The following AXDND1 variants were observed in gnomAD, a reference collection of about 807,000 sequenced individuals.
The protein encoded by AXDND1 is axonemal dynein light chain domain-containing protein 1.
Under a neutral mutation model 137.5 loss-of-function variants are expected in AXDND1, and 110 were observed. The ratio of observed to expected loss-of-function variants is 0.80; its 90% CI spans 0.69 to 0.94. AXDND1 has a LOEUF of 0.94. Ranked by LOEUF, AXDND1 falls within the 40% of genes least tolerant of loss-of-function variation. The probability of loss-of-function intolerance (pLI) is 0.00; values close to 1 mark genes in which losing one functional copy is unlikely to be tolerated. For missense variants in AXDND1, 1,191 were observed against 1,169.8 expected (o/e 1.02, Z -0.26); for synonymous variants, 414 against 399.7 (o/e 1.04, Z -0.43).
At chr1:179,504,702 A>C in intron 20 of AXDND1, among the ~76,000 whole-genome samples, 1 of 151,988 alleles carries the variant, frequency 6.6e-6, no homozygotes, top group East Asian at 1.9e-4. Flanking sequence ...GATGCCCATA[A>C]CCTGACCATC....
intron 16 of AXDND1, chr1:179,450,618 G>A (rs1660425004): frequency 1.3e-5 from 2 of 152,132 alleles, no homozygotes; most frequent in Non-Finnish European, 2.9e-5. Context: ...TCTATCAGTA[G>A]GATATATTAC....
At chr1:179,388,535 G>A (rs12738262) in intron 9 of AXDND1, among the ~76,000 whole-genome samples, 43,144 of 151,822 alleles carry the variant, frequency 0.28, 6,329 homozygotes, top group Non-Finnish European at 0.31. Context: ...TTCTCTAGGT[G>A]TGTCTATTAT....
At chr1:179,459,274 A>C (rs532304870) in intron 16 of AXDND1, among the ~76,000 whole-genome samples, 2 of 152,288 alleles carry the variant, frequency 1.3e-5, no homozygotes, top group East Asian at 1.9e-4. Flanking sequence ...CTACAGGTGC[A>C]TGCCACTATG....
intron 9 of AXDND1, among the ~76,000 whole-genome samples, chr1:179,385,929 A>G (rs781349493): frequency 9.2e-5 from 14 of 152,142 alleles, no homozygotes; most frequent in Non-Finnish European, 1.5e-4. Flanking sequence ...TTAGTACTTT[A>G]AAGATGTTGT....
At chr1:179,417,878 T>C (rs1390678473) in intron 12 of AXDND1, among the ~76,000 whole-genome samples, 1 of 152,028 alleles carries the variant, frequency 6.6e-6, no homozygotes, top group Non-Finnish European at 1.5e-5. Context: ...ATGTCTTTTT[T>C]TTAATCAGAG....
At chr1:179,552,694 G>T (rs1268652339) in intron 25 of AXDND1, 1 of 1,609,024 alleles carries the variant, frequency 6.2e-7, no homozygotes, top group African/African-American at 1.3e-5. Flanking sequence ...GAAAAAGAAA[G>T]AATGCAGGTA....
At chr1:179,539,916 C>G (rs1314798547) in intron 25 of AXDND1, among the ~76,000 whole-genome samples, 1 of 151,716 alleles carries the variant, frequency 6.6e-6, no homozygotes, top group Non-Finnish European at 1.5e-5. Context: ...CTGATCTTTT[C>G]TTCTCTCTTT....
intron 17 of AXDND1, among the ~76,000 whole-genome samples, chr1:179,472,102 G>C (rs1440705803): frequency 6.6e-6 from 1 of 152,084 alleles, no homozygotes; most frequent in Non-Finnish European, 1.5e-5. Context: ...TCACCATTTT[G>C]GCCAGGCTAG....
chr1:179,473,539 C>T (rs955112372), intron 17 of AXDND1, among the ~76,000 whole-genome samples: 6 of 152,114 alleles, frequency 3.9e-5, no homozygotes, highest in African/African-American at 1.4e-4. Flanking sequence ...TGGCTTAATT[C>T]TAGTGACATA....
intron 25 of AXDND1, chr1:179,550,833 G>A: frequency 2.7e-6 from 1 of 363,984 alleles, no homozygotes; most frequent in Admixed American, 3.8e-5. Context: ...TGCCAAAGGG[G>A]TCAGAGGACA....
intron 17 of AXDND1, among the ~76,000 whole-genome samples, chr1:179,480,962 T>C (rs1401038644): frequency 6.8e-6 from 1 of 147,992 alleles, no homozygotes; most frequent in African/African-American, 2.4e-5. Context: ...ATAAAATGTA[T>C]TCATTTTTAT....
chr1:179,528,928 C>T (rs1317580965), intron 23 of AXDND1, among the ~76,000 whole-genome samples: 1 of 152,158 alleles, frequency 6.6e-6, no homozygotes, highest in Non-Finnish European at 1.5e-5. Flanking sequence ...CATCTCTTTC[C>T]TTAGTTTAAC....
At chr1:179,467,407 T>TA (rs928591959) in intron 16 of AXDND1, among the ~76,000 whole-genome samples, 8 of 151,842 alleles carry the variant, frequency 5.3e-5, no homozygotes, top group Admixed American at 2.0e-4. Context: ...CAAAAATACT[T>TA]AAAAAAAATT....
In AXDND1 at chr1:179,528,416, T is replaced by G; in HGVS notation, c.2700T>G (p.Asp900Glu). The G allele has an allele frequency of 6.2e-7, 1 of 1,611,874 alleles. No homozygotes were observed. The highest frequency in any genetic ancestry group is 2.2e-5 in the East Asian group (1 of 44,854). Residue 900 changes from aspartate (D) to glutamate (E), a missense_variant, in exon 23 of 26, where the codon GAT (aspartate) becomes GAG (glutamate). Transcript: ENST00000367618. ...NVHSKPLFETDVLSSWRESAK... is the reference protein window; with the variant it reads ...NVHSKPLFETEVLSSWRESAK... ...ATTCCAAACCTCTATTTGAAACAGA[T>G]GTGTTGTCTTCCTGGGTATGTATCT...
chr1:179,506,806 C>CACAATAGGCTTTCTTT, intron 20 of AXDND1: 2 of 972,618 alleles, frequency 2.1e-6, no homozygotes, highest in Non-Finnish European at 2.4e-6. Context: ...CACCTTGGAC[C>CACAATAGGCTTTCTTT]ACAATAGGCT....
Position 179,492,915 on chromosome 1 carries a change from T to C in AXDND1, c.2352T>C (p.Asn784=). The C allele has an allele frequency of 6.2e-7, 1 of 1,611,774 alleles. No individual in the cohort carries two copies. The highest frequency in any genetic ancestry group is 8.5e-7 in the Non-Finnish European group (1 of 1,179,156). Residue 784 remains asparagine (N), a synonymous_variant, in exon 20 of 26, where the codon AAT becomes AAC. Transcript: ENST00000367618. ...GTAAATCCACTAACTCACACAAAAATGCTACTGAAGACCTTTATGAGGTGG... is the reference window on the plus strand; with the variant it reads ...GTAAATCCACTAACTCACACAAAAACGCTACTGAAGACCTTTATGAGGTGG... ...ALSKSTNSHK[N]ATEDLYEVDK... is the part of the protein sequence containing the mutation.
At chr1:179,384,071 C>T (rs1230771821) in intron 8 of AXDND1, among the ~76,000 whole-genome samples, 2 of 152,006 alleles carry the variant, frequency 1.3e-5, no homozygotes, top group Admixed American at 6.6e-5. Context: ...CTCTTTTAGT[C>T]TTACATAGAT....
chr1:179,480,559 C>T (rs1022400960), intron 17 of AXDND1, among the ~76,000 whole-genome samples: 2 of 152,176 alleles, frequency 1.3e-5, no homozygotes, highest in African/African-American at 2.4e-5. Flanking sequence ...TTTGAAAAAC[C>T]AGAGTTCTGG....
chr1:179,464,398 T>C (rs543296655), intron 16 of AXDND1, among the ~76,000 whole-genome samples: 96 of 152,306 alleles, frequency 6.3e-4, no homozygotes, highest in African/African-American at 2.1e-3. Context: ...GGATATGAAA[T>C]TCTGGGTTGA....
Sources: allele counts gnomAD v4.1 joint callset (sites outside exome capture counted in the v4.1 genomes callset), GRCh38; gene constraint gnomAD v4.1.1; transcripts MANE v1.5; gene names NCBI Gene and HGNC (gene_info 2026-07-23, HGNC 2026-07-21).